Variants in SLC9C2 observed in about 807,000 individuals in gnomAD.
SLC9C2 encodes sodium/hydrogen exchanger 11.
In SLC9C2, 75 loss-of-function variants were observed where a neutral mutation model predicts 140.2. The observed-to-expected ratio is 0.53, with a 90% CI of 0.44 to 0.65. The LOEUF is 0.65. Among genes scored for constraint, SLC9C2 ranks in the 30% least tolerant of loss-of-function variants. The pLI is 0.00. For missense variants in SLC9C2, 1,074 were observed against 1,331.8 expected (o/e 0.81, Z 3.01); for synonymous variants, 375 against 420.9 (o/e 0.89, Z 1.34).
chr1:173,507,339 G>T (rs1571421283), intron 24 of SLC9C2, among the ~76,000 whole-genome samples: 1 of 143,418 alleles, frequency 7.0e-6, no homozygotes, highest in African/African-American at 3.0e-5. Context: ...ACAAGACTCA[G>T]AGTCTTAAAA....
intron 9 of SLC9C2, among the ~76,000 whole-genome samples, chr1:173,561,860 C>T (rs565301967): frequency 6.4e-4 from 88 of 138,192 alleles, no homozygotes; most frequent in African/African-American, 2.7e-3. Flanking sequence ...CACACAGACA[C>T]AGACACACAC....
At chr1:173,568,382 T>A (rs1312590134) in intron 9 of SLC9C2, among the ~76,000 whole-genome samples, 1 of 147,290 alleles carries the variant, frequency 6.8e-6, no homozygotes, top group African/African-American at 2.7e-5. Context: ...ACATGTAGTG[T>A]TTGGTTTTCT....
rs781424439 is a variant in SLC9C2 at position 173,503,254 on chromosome 1, CAA to C, written c.3371+10_3371+11del. The C allele has an allele frequency of 1.2e-6, 2 of 1,608,992 alleles. No homozygotes were observed. The highest frequency in any genetic ancestry group is 1.7e-4 in the Middle Eastern group (1 of 6,024). Reference sequence around the variant, plus strand: ...TAAGAAAAAATTCTAATCAAAGTGTCAAGTTTATTACCTCATCTTTTGTCTTC... The same window carrying C: ...TAAGAAAAAATTCTAATCAAAGTGTCGTTTATTACCTCATCTTTTGTCTTC... On this transcript the variant is annotated intron_variant, in intron 27 of 27. Transcript: ENST00000367714.
Position 173,573,198 on chromosome 1 carries a change from T to C in SLC9C2, c.1030A>G (p.Thr344Ala). Residue 344 changes from threonine (T) to alanine (A), a missense_variant, in exon 9 of 28, where the codon ACA becomes GCA. Transcript: ENST00000367714. ...TIPFIFILFTTVNLVRLLTIL... is the reference protein window; with the variant it reads ...TIPFIFILFTAVNLVRLLTIL... ...TATTCTTACCTTACCAAATTCACTG[T>C]TGTAAATAAAATGAATATGAAAGGT... 3 of 1,557,648 alleles carry C rather than the reference T, an allele frequency of 1.9e-6. No individual in the cohort carries two copies. The highest frequency in any genetic ancestry group is 2.6e-6 in the Non-Finnish European group (3 of 1,141,380).
At chr1:173,588,734 T>A (rs530800883) in intron 4 of SLC9C2, among the ~76,000 whole-genome samples, 9 of 152,168 alleles carry the variant, frequency 5.9e-5, no homozygotes, top group Non-Finnish European at 1.3e-4. Flanking sequence ...TCTCTTAATA[T>A]TCCTGTATAG....
At chr1:173,550,888 G>GAGAGAGAGAGAGAGAGAGAC (rs1663243550) in intron 11 of SLC9C2, among the ~76,000 whole-genome samples, 1 of 85,316 alleles carries the variant, frequency 1.2e-5, no homozygotes, top group African/African-American at 3.7e-5. Flanking sequence ...GAGAGAGAGA[G>GAGAGAGAGAGAGAGAGAGAC]AGAGAGAGAG....
intron 18 of SLC9C2, among the ~76,000 whole-genome samples, chr1:173,528,475 G>A (rs1661361188): frequency 6.6e-6 from 1 of 152,102 alleles, no homozygotes. Flanking sequence ...TTCTAATGCA[G>A]ATCAATCCAG....
At chr1:173,547,614 A>T (rs1662943396) in intron 13 of SLC9C2, 75 bp downstream of exon 13, 3 of 1,124,002 alleles carry the variant, frequency 2.7e-6, no homozygotes, top group Non-Finnish European at 3.9e-6. Context: ...TTTTCAAGTC[A>T]TCTGAAAATC....
At chr1:173,533,977 G>T (rs1661771011) in intron 16 of SLC9C2, among the ~76,000 whole-genome samples, 180 bp from the exon 17 acceptor site, 1 of 151,962 alleles carries the variant, frequency 6.6e-6, no homozygotes, top group Admixed American at 6.6e-5. Flanking sequence ...TTTATAATTT[G>T]ATTTAAAATA....
At chr1:173,540,860 G>A (rs1374000843) in intron 13 of SLC9C2, among the ~76,000 whole-genome samples, 1 of 152,070 alleles carries the variant, frequency 6.6e-6, no homozygotes. Context: ...CTCGTCTATG[G>A]TTTCTACAGC....
chr1:173,599,460 C>A lies in SLC9C2; in HGVS notation c.228+657G>T, dbSNP rs1269966703. On this transcript the variant is annotated intron_variant, in intron 3 of 27. Coordinates refer to ENST00000367714, the MANE Select transcript of SLC9C2 (RefSeq NM_178527.4). ...CGCAATCTCGGCTCACTGCAAGCTC[C>A]GTCTCCTGGGTTCACGCCATTCTCC... Among the ~76,000 whole-genome samples the A allele has an allele frequency of 2.1e-5, 3 of 141,496 alleles. No individual in the cohort carries two copies. The Admixed American group carries it at 2.3e-4, about 11-fold the overall frequency. The allele number at this position is 141,496 out of a possible 152,430, so 92.8% of individuals were successfully genotyped here. A position where few individuals can be genotyped will look rare whatever the true frequency, so the allele number is the denominator to read the frequency against.
intron 27 of SLC9C2, among the ~76,000 whole-genome samples, chr1:173,501,900 C>A (rs905538485): frequency 6.6e-6 from 1 of 152,096 alleles, no homozygotes; most frequent in African/African-American, 2.4e-5. Flanking sequence ...TCATAAATAA[C>A]AGTGGCAGGA....
rs764739922 is a variant in SLC9C2 at position 173,524,867 on chromosome 1, C to T, written c.2426G>A (p.Arg809Gln). ...VIALKTKQAI[R>Q]NVIAKALKNL... ...TTTTAGAGCTTTAGCAATCACATTC[C>T]GGATTGCCTGTTTAGTCTTCAAAGC... is the stretch of plus-strand genomic sequence containing the variant. Residue 809 changes from arginine (R) to glutamine (Q), a missense_variant, in exon 20 of 28, where the codon CGG (arginine) becomes CAG (glutamine). Arg to Gln is a conservative substitution (Grantham distance 43, BLOSUM62 1). Transcript: ENST00000367714. 27 of 1,613,978 alleles carry T rather than the reference C, an allele frequency of 1.7e-5. No homozygotes were observed. In the South Asian group the frequency reaches 2.2e-4, roughly 13 times the overall value.
chr1:173,564,637 CTT>C (rs200972272), intron 9 of SLC9C2, among the ~76,000 whole-genome samples: 223 of 119,706 alleles, frequency 1.9e-3, no homozygotes, highest in East Asian at 4.7e-3. Flanking sequence ...TTTTCCTTTT[CTT>C]TTTTTTTTTT....
At chr1:173,569,400 G>A (rs1664700078) in intron 9 of SLC9C2, among the ~76,000 whole-genome samples, 1 of 151,926 alleles carries the variant, frequency 6.6e-6, no homozygotes, top group South Asian at 2.1e-4. Flanking sequence ...ATCTTTGGCA[G>A]TTTGATTATT....
In SLC9C2 at chr1:173,588,359, T is replaced by C. The variant is rs58068385; in HGVS notation, c.358-529A>G. On this transcript the variant is annotated intron_variant, in intron 4 of 27. Coordinates refer to ENST00000367714, the MANE Select transcript of SLC9C2 (RefSeq NM_178527.4). ...GTAATTTCTATGCACACATTGTTTATGCCCAAGTATAAGAAAGTATTTATT... is the reference window on the plus strand; with the variant it reads ...GTAATTTCTATGCACACATTGTTTACGCCCAAGTATAAGAAAGTATTTATT... Among the ~76,000 whole-genome samples, 532 of 152,328 alleles carry C rather than the reference T, an allele frequency of 3.5e-3. 3 individuals are homozygous for C. Among genetic ancestry groups the C allele is most frequent in the African/African-American group, 0.012 (509 of 41,582 alleles).
At chr1:173,585,217 A>G (rs1665777911) in intron 5 of SLC9C2, among the ~76,000 whole-genome samples, 3 of 152,124 alleles carry the variant, frequency 2.0e-5, no homozygotes, top group Non-Finnish European at 4.4e-5. Flanking sequence ...TAACTTACAT[A>G]TGAACGTCTA....
chr1:173,594,980 A>G lies in SLC9C2; in HGVS notation c.357+2924T>C, dbSNP rs1666363275. ...AATGGCACAATCTTTGCTCACTGCA[A>G]CCTCTGTCTCCCAGGTTCAAGTGAT... On this transcript the variant is annotated intron_variant, in intron 4 of 27. Coordinates refer to ENST00000367714, the MANE Select transcript of SLC9C2 (RefSeq NM_178527.4). 4.6e-5 allele frequency among the ~76,000 whole-genome samples: 7 copies of G among 152,136 alleles called. 1 individual carries two copies. Among genetic ancestry groups the G allele is most frequent in the Admixed American group, 3.9e-4 (6 of 15,276 alleles).
chr1:173,596,161 G>A (rs554911170), intron 4 of SLC9C2, among the ~76,000 whole-genome samples: 2 of 152,092 alleles, frequency 1.3e-5, no homozygotes, highest in Admixed American at 6.5e-5. Context: ...GATGTTCCAC[G>A]ATTTGTTTAT....
Sources: gnomAD v4.1 joint callset for allele counts (sites outside exome capture counted in the v4.1 genomes callset) on GRCh38, gnomAD v4.1.1 for gene constraint, MANE v1.5 for transcripts, NCBI Gene and HGNC (gene_info 2026-07-23, HGNC 2026-07-21) for gene names.